The following SEPTIN14 variants were observed in gnomAD, a reference collection of about 807,000 sequenced individuals.
SEPTIN14 encodes the protein septin 14.
SEPTIN14 carries 40 observed loss-of-function variants against 53.6 expected under a neutral mutation model. That is an observed-to-expected ratio of 0.75 (90% CI 0.58 to 0.97). The LOEUF is 0.97. Ranked by LOEUF, SEPTIN14 falls within the 50% of genes least tolerant of loss-of-function variation. The pLI is 0.00. For synonymous variants in SEPTIN14, 138 were observed against 166.8 expected (o/e 0.83, Z 1.33); for missense variants, 471 against 508.2 (o/e 0.93, Z 0.70).
At chr7:55,798,196 C>G (rs1328201199) in intron 9 of SEPTIN14, 1 of 249,986 alleles carries the variant, frequency 4.0e-6, no homozygotes, top group Non-Finnish European at 7.8e-6. Flanking sequence ...GCCCAGCAAC[C>G]TGCCAGACAC....
chr7:55,850,235 T>C (rs1312812748), intron 2 of SEPTIN14, among the ~76,000 whole-genome samples: 1 of 152,106 alleles, frequency 6.6e-6, no homozygotes, highest in Non-Finnish European at 1.5e-5. Flanking sequence ...TTCTGTGAGG[T>C]TGAGGTGGGT....
chr7:55,799,511 C>A (rs1788489390), intron 9 of SEPTIN14, among the ~76,000 whole-genome samples: 1 of 102,574 alleles, frequency 9.7e-6, no homozygotes, highest in Non-Finnish European at 1.8e-5. Context: ...GAGCAAGACT[C>A]TTGTCTCAAA....
At chr7:55,815,463 G>T (rs1788775657) in intron 7 of SEPTIN14, among the ~76,000 whole-genome samples, 1 of 152,058 alleles carries the variant, frequency 6.6e-6, no homozygotes, top group Non-Finnish European at 1.5e-5. Flanking sequence ...GTGGGCAAAA[G>T]ATCCGAATAG....
intron 6 of SEPTIN14, among the ~76,000 whole-genome samples, chr7:55,830,349 A>ATATATTTTT (rs71015108): frequency 2.3e-3 from 128 of 56,806 alleles, no homozygotes; most frequent in East Asian, 3.0e-3. Flanking sequence ...ATATATATAT[A>ATATATTTTT]TTTTTTTTTT....
chr7:55,859,151 CAAA>C (rs1216195753), intron 2 of SEPTIN14, among the ~76,000 whole-genome samples: 5 of 119,092 alleles, frequency 4.2e-5, no homozygotes, highest in Admixed American at 1.8e-4. Context: ...AACTCCATCT[CAAA>C]AAAAAAAAAA....
chr7:55,820,267 C>T (rs747430172), intron 6 of SEPTIN14, among the ~76,000 whole-genome samples: 2 of 152,228 alleles, frequency 1.3e-5, no homozygotes, highest in Non-Finnish European at 2.9e-5. Flanking sequence ...TCCCAAAGTG[C>T]TGAGATTACG....
In SEPTIN14 at chr7:55,819,139, C is replaced by T; in HGVS notation, c.805G>A (p.Gly269Arg). 1 of 1,578,616 alleles carries T rather than the reference C, an allele frequency of 6.3e-7. No homozygotes were observed. Residue 269 changes from glycine (G) to arginine (R), a missense_variant, in exon 7 of 10, where the codon GGA (glycine) becomes AGA (arginine). Physicochemically the swap from Gly to Arg is moderately radical, Grantham distance 125 (BLOSUM62 -2). Coordinates refer to ENST00000388975, the MANE Select transcript of SEPTIN14 (RefSeq NM_207366.3). ...CTGTCATTTTTACCTTGCAAAACTCCCCAAGGGTAGTGACGGCCTCTGACC... is the reference window on the plus strand; with the variant it reads ...CTGTCATTTTTACCTTGCAAAACTCTCCAAGGGTAGTGACGGCCTCTGACC... ...RMVRGRHYPW[G>R]VLQVENENHC...
intron 6 of SEPTIN14, among the ~76,000 whole-genome samples, chr7:55,830,349 A>ATTTTTTTT (rs1216458496): frequency 2.6e-4 from 15 of 56,850 alleles, no homozygotes; most frequent in South Asian, 1.4e-3. Flanking sequence ...ATATATATAT[A>ATTTTTTTT]TTTTTTTTTT....
At chr7:55,809,679 G>A (rs1219914616) in intron 7 of SEPTIN14, among the ~76,000 whole-genome samples, 3 of 148,980 alleles carry the variant, frequency 2.0e-5, no homozygotes, top group African/African-American at 7.4e-5. Flanking sequence ...TTATCTCTGT[G>A]ATGAAATAAT....
chr7:55,810,516 C>T (rs1413304110), intron 7 of SEPTIN14, among the ~76,000 whole-genome samples: 2 of 148,790 alleles, frequency 1.3e-5, no homozygotes, highest in African/African-American at 5.0e-5. Flanking sequence ...GCTCTGTCAC[C>T]CAGGCTGGAG....
chr7:55,846,065 G>A (rs868777912), intron 3 of SEPTIN14, among the ~76,000 whole-genome samples: 69 of 39,728 alleles, frequency 1.7e-3, no homozygotes, highest in Non-Finnish European at 2.1e-3. Flanking sequence ...AAAAAAAAAA[G>A]TATATATATA....
At chr7:55,806,138 C>G (rs992414103) in intron 8 of SEPTIN14, among the ~76,000 whole-genome samples, 2 of 151,302 alleles carry the variant, frequency 1.3e-5, no homozygotes, top group African/African-American at 4.9e-5. Context: ...ACTGGGATTA[C>G]GGGCACCCGC....
In SEPTIN14 at chr7:55,834,479, T is replaced by C. The variant is rs1166142140; in HGVS notation, c.666A>G (p.Ile222Met). 7.4e-6 allele frequency: 12 copies of C among 1,613,222 alleles called. No individual in the cohort carries two copies. Among genetic ancestry groups the C allele is most frequent in the South Asian group, 2.2e-5 (2 of 91,000 alleles). Residue 222 changes from isoleucine (I) to methionine (M), a missense_variant, in exon 6 of 10, where the codon ATA becomes ATG. By Grantham distance (10) the Ile-to-Met change is conservative (BLOSUM62 1). Coordinates refer to ENST00000388975, the MANE Select transcript of SEPTIN14 (RefSeq NM_207366.3). ...TTTCTTCATCTGTTGGGAGCTGATA[T>C]ATCTGGATGCCATTGCTAATCAATT... Reference protein sequence around the residue: ...MSELISNGIQIYQLPTDEETA... With the variant: ...MSELISNGIQMYQLPTDEETA...
chr7:55,850,874 C>T (rs1247472280), intron 2 of SEPTIN14: 4 of 151,932 alleles, frequency 2.6e-5, no homozygotes, highest in Non-Finnish European at 4.4e-5. Context: ...AGTTCAAGAC[C>T]AGTCTGGCCA....
At chr7:55,844,493 C>A in intron 4 of SEPTIN14, 30 bp downstream of exon 4, 6 of 1,315,672 alleles carry the variant, frequency 4.6e-6, no homozygotes, top group Admixed American at 2.4e-5. Flanking sequence ...ATAAGAAAAC[C>A]TTTTTTAATT....
chr7:55,830,349 A>ATATATTTTTTTTTTTTTT (rs71015108), intron 6 of SEPTIN14, among the ~76,000 whole-genome samples: 1 of 56,848 alleles, frequency 1.8e-5, no homozygotes, highest in African/African-American at 1.0e-4. Context: ...ATATATATAT[A>ATATATTTTTTTTTTTTTT]TTTTTTTTTT....
chr7:55,854,513 T>G (rs1584274662), intron 2 of SEPTIN14, among the ~76,000 whole-genome samples: 1 of 152,086 alleles, frequency 6.6e-6, no homozygotes, highest in East Asian at 1.9e-4. Flanking sequence ...CACTGCAAGC[T>G]CCGCCTCCCG....
At chr7:55,839,983 A>T (rs1184877122) in intron 5 of SEPTIN14, among the ~76,000 whole-genome samples, 1 of 151,306 alleles carries the variant, frequency 6.6e-6, no homozygotes, top group African/African-American at 2.4e-5. Flanking sequence ...TGTCTCTACT[A>T]AAAATACAAA....
intron 7 of SEPTIN14, among the ~76,000 whole-genome samples, chr7:55,818,329 CG>C (rs1267384097): frequency 6.6e-6 from 1 of 151,558 alleles, no homozygotes; most frequent in Non-Finnish European, 1.5e-5. Context: ...AAAATTAGCC[CG>C]GTGTGGCGGC....
Sources: gnomAD v4.1 joint callset for allele counts (sites outside exome capture counted in the v4.1 genomes callset) on GRCh38, gnomAD v4.1.1 for gene constraint, MANE v1.5 for transcripts, NCBI Gene and HGNC (gene_info 2026-07-23, HGNC 2026-07-21) for gene names.